KATNIP: variants seen among roughly 807,000 people sequenced by gnomAD.
KATNIP encodes katanin-interacting protein.
A neutral mutation model predicts 174.0 loss-of-function variants in KATNIP; 126 were observed. That is an observed-to-expected ratio of 0.72 (90% CI 0.63 to 0.84). The LOEUF is 0.84. Among genes scored for constraint, KATNIP ranks in the 40% least tolerant of loss-of-function variants. The pLI, the probability that KATNIP is intolerant of heterozygous loss-of-function variation, is 0.00. For missense variants in KATNIP, 1,958 were observed against 2,109.7 expected, an observed-to-expected ratio of 0.93 and a Z score of 1.41; for synonymous variants, 810 against 835.7, an observed-to-expected ratio of 0.97 and a Z score of 0.53.
At chr16:27,702,584 G>C (rs377756217) in intron 11 of KATNIP, among the ~76,000 whole-genome samples, 55 of 152,302 alleles carry the variant, frequency 3.6e-4, no homozygotes, top group African/African-American at 1.3e-3. Context: ...AGGCGAGAAG[G>C]GGCTGAAATC....
At chr16:27,628,475 C>G (rs184061971) in intron 3 of KATNIP, 186 bp from the exon 4 acceptor site, 1 of 603,802 alleles carries the variant, frequency 1.7e-6, no homozygotes, top group African/African-American at 1.9e-5. Flanking sequence ...GTCTGCCCCT[C>G]GTGGCTTCTC....
At chr16:27,622,131 G>A (rs1019923180) in intron 3 of KATNIP, among the ~76,000 whole-genome samples, 5 of 151,350 alleles carry the variant, frequency 3.3e-5, no homozygotes, top group Non-Finnish European at 7.4e-5. Flanking sequence ...GTACCCAGTG[G>A]AGATCTGAGG....
rs74016097 is a variant in KATNIP at position 27,596,236 on chromosome 16, G to T, written c.64-22189G>T. Reference sequence around the variant, plus strand: ...TTCCTTTGGGGCAGCAGCTGTGGGGGTGCTGAGAAGGGGCCTGATCCTGGG... The same window carrying T: ...TTCCTTTGGGGCAGCAGCTGTGGGGTTGCTGAGAAGGGGCCTGATCCTGGG... On this transcript the variant is annotated intron_variant, in intron 2 of 27. Coordinates refer to ENST00000261588, the MANE Select transcript of KATNIP (RefSeq NM_015202.5). 2.5e-3 allele frequency among the ~76,000 whole-genome samples: 380 copies of T among 152,266 alleles called. 2 individuals carry two copies. Among genetic ancestry groups the T allele is most frequent in the African/African-American group, 8.7e-3 (360 of 41,542 alleles).
At chr16:27,736,526 A>G (rs546419352) in intron 14 of KATNIP, among the ~76,000 whole-genome samples, 7 of 152,308 alleles carry the variant, frequency 4.6e-5, no homozygotes, top group Non-Finnish European at 8.8e-5. Flanking sequence ...TCCTGAACAG[A>G]AGAAGGAGCA....
chr16:27,642,591 A>G (rs1227685290), intron 5 of KATNIP, among the ~76,000 whole-genome samples: 1 of 152,054 alleles, frequency 6.6e-6, no homozygotes, highest in Non-Finnish European at 1.5e-5. Flanking sequence ...TTCCCTCCAC[A>G]GCCCTAGCGC....
At chr16:27,567,947 G>A (rs2090150930) in intron 1 of KATNIP, among the ~76,000 whole-genome samples, 1 of 152,158 alleles carries the variant, frequency 6.6e-6, no homozygotes. Flanking sequence ...ATGGGCAACA[G>A]AGCAAGACTC....
chr16:27,619,422 G>A (rs75307159), intron 3 of KATNIP, among the ~76,000 whole-genome samples: 3,337 of 152,308 alleles, frequency 0.022, 138 homozygotes, highest in African/African-American at 0.076. Context: ...AACTGGTGGG[G>A]GGAAGGGGAA....
chr16:27,595,405 A>G (rs895263850), intron 2 of KATNIP, among the ~76,000 whole-genome samples: 7 of 152,178 alleles, frequency 4.6e-5, no homozygotes, highest in Non-Finnish European at 7.3e-5. Context: ...ACATACACAC[A>G]CAGAAAACCA....
chr16:27,659,650 G>A (rs987750408), intron 6 of KATNIP, among the ~76,000 whole-genome samples: 2 of 152,094 alleles, frequency 1.3e-5, no homozygotes, highest in African/African-American at 4.8e-5. Context: ...ATTTTAAAAT[G>A]TGGCTCAAAC....
At chr16:27,596,878 C>A (rs911055939) in intron 2 of KATNIP, among the ~76,000 whole-genome samples, 5 of 152,152 alleles carry the variant, frequency 3.3e-5, no homozygotes, top group Non-Finnish European at 5.9e-5. Context: ...CAAAAATTGG[C>A]TGGGAGTGGT....
intron 7 of KATNIP, among the ~76,000 whole-genome samples, chr16:27,678,671 G>A (rs1351903654): frequency 6.6e-6 from 1 of 152,174 alleles, no homozygotes; most frequent in Non-Finnish European, 1.5e-5. Flanking sequence ...ATGCTGTCTT[G>A]GATTGGATCA....
In KATNIP at chr16:27,761,417, T is replaced by G. The variant is rs1337124858; in HGVS notation, c.3636T>G (p.Leu1212=). Residue 1212 remains leucine, a synonymous_variant, in exon 19 of 28, where the codon CTT becomes CTG. Coordinates refer to ENST00000261588, the MANE Select transcript of KATNIP (RefSeq NM_015202.5). The stretch of plus-strand genomic sequence containing the variant: ...CCACTTCTCTTCCTGTTGCAGGCCT[T>G]CAGCTGAATTTCACTGCCTCCTGGG... The part of the protein sequence containing the change: ...PEPGIYHGIC[L]QLNFTASWGD... The G allele has an allele frequency of 6.2e-7, 1 of 1,606,928 alleles. No individual in the cohort carries two copies. The highest frequency in any genetic ancestry group is 1.7e-4 in the Middle Eastern group (1 of 6,028).
chr16:27,571,154 T>C (rs1385408008), intron 1 of KATNIP, among the ~76,000 whole-genome samples: 1 of 152,148 alleles, frequency 6.6e-6, no homozygotes, highest in South Asian at 2.1e-4. Context: ...TGCCTCTGCC[T>C]CTTGAGTAGC....
intron 14 of KATNIP, among the ~76,000 whole-genome samples, chr16:27,737,251 C>T (rs967740174): frequency 6.6e-6 from 1 of 152,046 alleles, no homozygotes; most frequent in Admixed American, 6.6e-5. Flanking sequence ...GTCGTGGTGA[C>T]GTGTACCTGT....
At chr16:27,582,271 A>T (rs1193762744) in intron 2 of KATNIP, among the ~76,000 whole-genome samples, 5 of 152,208 alleles carry the variant, frequency 3.3e-5, no homozygotes, top group African/African-American at 4.8e-5. Context: ...TGTTTTAAAA[A>T]AAGTTTTTTT....
At chr16:27,700,931 T>A (rs776095412) in intron 10 of KATNIP, among the ~76,000 whole-genome samples, 1 of 152,184 alleles carries the variant, frequency 6.6e-6, no homozygotes. Context: ...GGTCCGGAAT[T>A]TCTGAATGAC....
chr16:27,687,523 G>T (rs1444858813), intron 8 of KATNIP: 2 of 152,058 alleles, frequency 1.3e-5, no homozygotes, highest in African/African-American at 4.8e-5. Flanking sequence ...GCAACTCCAA[G>T]AGAGCTTCAT....
chr16:27,667,063 A>G (rs1375855895), intron 6 of KATNIP, among the ~76,000 whole-genome samples: 1 of 151,874 alleles, frequency 6.6e-6, no homozygotes, highest in Non-Finnish European at 1.5e-5. Flanking sequence ...GTTTATGCCT[A>G]TAATCCCAGT....
intron 14 of KATNIP, among the ~76,000 whole-genome samples, chr16:27,731,446 T>C (rs1173743781): frequency 6.6e-6 from 1 of 152,176 alleles, no homozygotes; most frequent in Admixed American, 6.5e-5. Context: ...TAAAGCACTT[T>C]ACATAAATCA....
Sources: allele counts gnomAD v4.1 joint callset (sites outside exome capture counted in the v4.1 genomes callset), GRCh38; gene constraint gnomAD v4.1.1; transcripts MANE v1.5; gene names NCBI Gene and HGNC (gene_info 2026-07-23, HGNC 2026-07-21).